The following RAD51B variants were observed in gnomAD, a reference collection of about 807,000 sequenced individuals.
The protein encoded by RAD51B is DNA repair protein RAD51 homolog 2.
Under a neutral mutation model 42.2 loss-of-function variants are expected in RAD51B, and 38 were observed. The ratio of observed to expected loss-of-function variants is 0.90; its 90% CI spans 0.70 to 1.18. RAD51B has a LOEUF of 1.18. RAD51B is among the 50% of genes most tolerant of loss of function. The pLI is 0.00. For missense variants in RAD51B, 373 were observed against 400.7 expected (o/e 0.93, Z 0.59); for synonymous variants, 154 against 145.2 (o/e 1.06, Z -0.43).
At chr14:68,283,864 G>T (rs1445497498) in intron 7 of RAD51B, among the ~76,000 whole-genome samples, 4 of 152,218 alleles carry the variant, frequency 2.6e-5, no homozygotes, top group Non-Finnish European at 5.9e-5. Flanking sequence ...CTGCCTTAGG[G>T]AGCCACATGG....
intron 7 of RAD51B, among the ~76,000 whole-genome samples, chr14:68,232,694 G>C (rs2080171720): frequency 1.3e-5 from 2 of 152,166 alleles, no homozygotes; most frequent in South Asian, 4.1e-4. Flanking sequence ...TCACCAGCTT[G>C]GTCTGGTCTG....
chr14:68,404,358 C>T (rs2084204412), intron 8 of RAD51B, among the ~76,000 whole-genome samples: 1 of 152,086 alleles, frequency 6.6e-6, no homozygotes, highest in Non-Finnish European at 1.5e-5. Context: ...GTTTCCTAAC[C>T]AATTAGGTCA....
intron 8 of RAD51B, among the ~76,000 whole-genome samples, chr14:68,367,027 CTG>C (rs900208968): frequency 3.3e-5 from 5 of 152,234 alleles, no homozygotes; most frequent in African/African-American, 1.2e-4. Context: ...CAGCTTCCAA[CTG>C]TAACATTTCA....
At position 68,157,216 on chromosome 14, in the gene RAD51B, G is replaced by A. The variant is rs1460954870; in HGVS notation, c.757-134668G>A. Among the ~76,000 whole-genome samples the A allele has an allele frequency of 9.9e-5, 15 of 151,990 alleles. No homozygotes were observed. The South Asian group carries it at 1.7e-3, about 17-fold the overall frequency. ...TATCTCAAAAACAAAATAAGCAAAAGGGACTTACTTTGGGGATTTGGAGAA... is the reference window on the plus strand; with the variant it reads ...TATCTCAAAAACAAAATAAGCAAAAAGGACTTACTTTGGGGATTTGGAGAA... On this transcript the variant is annotated intron_variant, in intron 7 of 10. Coordinates refer to ENST00000471583, the MANE Select transcript of RAD51B (RefSeq NM_133510.4).
chr14:68,095,621 A>G (rs1308317771), intron 7 of RAD51B, among the ~76,000 whole-genome samples: 1 of 152,002 alleles, frequency 6.6e-6, no homozygotes, highest in South Asian at 2.1e-4. Flanking sequence ...ACCCAATACC[A>G]TAGTAGCACT....
At chr14:67,890,095 T>A (rs1326921784) in intron 7 of RAD51B, among the ~76,000 whole-genome samples, 1 of 152,230 alleles carries the variant, frequency 6.6e-6, no homozygotes, top group Non-Finnish European at 1.5e-5. Flanking sequence ...AAAATTTAAA[T>A]ACTGCTTTAT....
At chr14:68,001,517 G>GTTTA (rs553760604) in intron 7 of RAD51B, among the ~76,000 whole-genome samples, 50 of 152,200 alleles carry the variant, frequency 3.3e-4, no homozygotes, top group Admixed American at 5.9e-4. Context: ...AGGTAATGGA[G>GTTTA]TTTATTTATT....
intron 7 of RAD51B, among the ~76,000 whole-genome samples, chr14:68,037,454 C>T (rs538110516): frequency 1.9e-4 from 29 of 151,792 alleles, no homozygotes; most frequent in Admixed American, 1.6e-3. Flanking sequence ...CTTCTGACCT[C>T]GTGATCTGCC....
chr14:68,367,995 A>ATAGC lies in RAD51B; in HGVS notation c.854-43426_854-43423dup, dbSNP rs754192483. ...CATTTTAGAATTGATTCTTATCTTA[A>ATAGC]TAGCTATCTTTTTGGCCTGTCTGGT... On this transcript the variant is annotated intron_variant, in intron 8 of 10. Coordinates refer to ENST00000471583, the MANE Select transcript of RAD51B (RefSeq NM_133510.4). Among the ~76,000 whole-genome samples, 7 of 152,344 alleles carry ATAGC rather than the reference A, an allele frequency of 4.6e-5. No homozygotes were observed. The East Asian group carries it at 7.7e-4, about 17-fold the overall frequency.
At position 68,497,490 on chromosome 14, in the gene RAD51B, T is replaced by A. The variant is rs896014584; in HGVS notation, c.1036+29240T>A. On this transcript the variant is annotated intron_variant, in intron 10 of 10. Transcript: ENST00000487270. ...TGTGTTCGTGGAACACATAGGTTTT[T>A]TTTTTTTAACTTTCTCTTTCTAAAA... 3.8e-6 allele frequency: 4 copies of A among 1,063,358 alleles called. No homozygotes were observed. The South Asian group carries it at 1.8e-4, about 48-fold the overall frequency. The allele number at this position is 1,063,358 out of a possible 1,614,324, so 65.9% of individuals were successfully genotyped here. A position where few individuals can be genotyped will look rare whatever the true frequency, so the allele number is the denominator to read the frequency against.
chr14:68,117,929 C>T (rs1324199734), intron 7 of RAD51B, among the ~76,000 whole-genome samples: 1 of 152,178 alleles, frequency 6.6e-6, no homozygotes, highest in Non-Finnish European at 1.5e-5. Context: ...TAGAAGAAAA[C>T]AGTCTCACAT....
At chr14:68,178,500 G>A (rs1428181136) in intron 7 of RAD51B, among the ~76,000 whole-genome samples, 3 of 152,154 alleles carry the variant, frequency 2.0e-5, no homozygotes, top group South Asian at 2.1e-4. Context: ...TTAAGACTTC[G>A]ATCATAAGTC....
chr14:68,584,094 A>G (rs553075615), intron 10 of RAD51B, among the ~76,000 whole-genome samples: 3 of 152,096 alleles, frequency 2.0e-5, no homozygotes, highest in African/African-American at 7.2e-5. Flanking sequence ...CTGGGGCTGG[A>G]TTTCTGCCCA....
chr14:68,402,129 G>A lies in RAD51B; in HGVS notation c.854-9295G>A, dbSNP rs2084123678. 2.0e-5 allele frequency among the ~76,000 whole-genome samples: 3 copies of A among 152,192 alleles called. No homozygotes were observed. The South Asian group carries it at 6.2e-4, about 32-fold the overall frequency. On this transcript the variant is annotated intron_variant, in intron 8 of 10. Coordinates refer to ENST00000471583, the MANE Select transcript of RAD51B (RefSeq NM_133510.4). ...AAATTAATTTTGCTGGAAGATAAAT[G>A]TCTGAGCCTATCCCAGTCTCTTTTC...
intron 7 of RAD51B, among the ~76,000 whole-genome samples, chr14:68,224,354 A>G (rs985964692): frequency 6.6e-5 from 10 of 152,240 alleles, no homozygotes; most frequent in Non-Finnish European, 1.3e-4. Flanking sequence ...CCAGTCACTT[A>G]CTTTGCCAAT....
At chr14:67,831,625 C>G (rs935386439) in intron 3 of RAD51B, among the ~76,000 whole-genome samples, 2 of 152,188 alleles carry the variant, frequency 1.3e-5, no homozygotes, top group African/African-American at 4.8e-5. Flanking sequence ...CAACCTCCGC[C>G]TCCCGGGTTC....
chr14:68,120,907 G>A (rs1408845526), intron 7 of RAD51B, among the ~76,000 whole-genome samples: 1 of 151,992 alleles, frequency 6.6e-6, no homozygotes, highest in Non-Finnish European at 1.5e-5. Context: ...ATTTATTTCT[G>A]TTACTCTCTG....
chr14:68,323,168 T>C (rs1327152441), intron 8 of RAD51B, among the ~76,000 whole-genome samples: 2 of 151,998 alleles, frequency 1.3e-5, no homozygotes, highest in African/African-American at 2.4e-5. Context: ...AGGGAGACCA[T>C]GGGATCTGGG....
chr14:68,115,481 C>G (rs2077528510), intron 7 of RAD51B, among the ~76,000 whole-genome samples: 1 of 126,632 alleles, frequency 7.9e-6, no homozygotes. Context: ...ACCAGCATGG[C>G]ACATGTATAC....
Sources: allele counts gnomAD v4.1 joint callset (sites outside exome capture counted in the v4.1 genomes callset), GRCh38; gene constraint gnomAD v4.1.1; transcripts MANE v1.5; gene names NCBI Gene and HGNC (gene_info 2026-07-23, HGNC 2026-07-21).